GOLGA4: variants seen among roughly 807,000 people sequenced by gnomAD.
GOLGA4 encodes golgin A4, also known as golgin subfamily A member 4.
GOLGA4 carries 169 observed loss-of-function variants against 265.9 expected under a neutral mutation model. The ratio of observed to expected loss-of-function variants is 0.64; its 90% CI spans 0.56 to 0.72. GOLGA4 has a LOEUF of 0.72. Among genes scored for constraint, GOLGA4 ranks in the 30% least tolerant of loss-of-function variants. GOLGA4 has a pLI of 0.00. For missense variants in GOLGA4, 2,482 were observed against 2,483.4 expected, an observed-to-expected ratio of 1.00 and a Z score of 0.01; for synonymous variants, 923 against 855.8, an observed-to-expected ratio of 1.08 and a Z score of -1.37.
At chr3:37,243,672 G>A (rs756087404) in intron 1 of GOLGA4, 50 bp downstream of exon 1, 19 of 1,467,628 alleles carry the variant, frequency 1.3e-5, no homozygotes, top group Non-Finnish European at 1.6e-5. Context: ...CTCTTGAACC[G>A]GCCCGCGGAC....
chr3:37,327,200 C>T lies in GOLGA4; in HGVS notation c.5314C>T (p.Gln1772Ter), dbSNP rs2150971950. ...TVSSHFEMRC[Q>*]YQERLIKLEH... is the part of the protein sequence containing the mutation. The stretch of plus-strand genomic sequence containing the variant: ...TTCTTCTCATTTTGAAATGCGATGC[C>T]AATACCAGGAGCGCTTAATAAAGCT... The change falls in exon 14 of 24, where the codon CAA becomes TAA. Residue 1772 changes from glutamine to a stop codon, truncating the protein, a stop_gained. Coordinates refer to ENST00000361924, the MANE Select transcript of GOLGA4 (RefSeq NM_002078.5). LOFTEE classifies it high-confidence loss of function. 1 of 1,613,688 alleles carries T rather than the reference C, an allele frequency of 6.2e-7. No homozygotes were observed. Among genetic ancestry groups the T allele is most frequent in the Non-Finnish European group, 8.5e-7 (1 of 1,179,806 alleles).
chr3:37,257,514 A>G (rs2096752099), intron 2 of GOLGA4, among the ~76,000 whole-genome samples: 1 of 152,080 alleles, frequency 6.6e-6, no homozygotes, highest in Non-Finnish European at 1.5e-5. Context: ...AGGCATGTAC[A>G]TCTCTAGTGT....
Position 37,355,124 on chromosome 3 carries a change from C to G in GOLGA4, c.6600C>G (p.Thr2200=). Residue 2200 remains threonine (T), a synonymous_variant, in exon 22 of 24, where the codon ACC becomes ACG. Transcript: ENST00000361924. ...AGACCATGGCAAAAGTTATAACCACCGTACTGAAGTTCCCTGATGATCAGA... is the reference window on the plus strand; with the variant it reads ...AGACCATGGCAAAAGTTATAACCACGGTACTGAAGTTCCCTGATGATCAGA... ...ETKTMAKVIT[T]VLKFPDDQTQ... 6.2e-7 allele frequency: 1 copy of G among 1,604,428 alleles called. No homozygotes were observed. Among genetic ancestry groups the G allele is most frequent in the Non-Finnish European group, 8.5e-7 (1 of 1,171,640 alleles).
In GOLGA4 at chr3:37,243,455, G is replaced by A. The variant is rs897090440; in HGVS notation, c.-96G>A. 64 of 1,020,496 alleles carry A rather than the reference G, an allele frequency of 6.3e-5. 2 individuals carry two copies. The South Asian group carries it at 7.9e-4, about 13-fold the overall frequency. The allele number at this position is 1,020,496 out of a possible 1,614,324, so 63.2% of individuals were successfully genotyped here. A position where few individuals can be genotyped will look rare whatever the true frequency, so the allele number is the denominator to read the frequency against. On this transcript the variant is annotated 5_prime_UTR_variant, in exon 1 of 24. Coordinates refer to ENST00000361924, the MANE Select transcript of GOLGA4 (RefSeq NM_002078.5). ...GCGAGGCCCGGCCCCCGCTGTCCCT[G>A]GTGTAAAGAAGTCGCCGTAGCCGTC...
At chr3:37,308,630 T>A (rs1388257499) in intron 10 of GOLGA4, among the ~76,000 whole-genome samples, 2 of 138,234 alleles carry the variant, frequency 1.4e-5, no homozygotes, top group African/African-American at 5.0e-5. Flanking sequence ...ATATATATTT[T>A]TTTGAGACAG....
At chr3:37,315,319 C>T (rs934698460) in intron 10 of GOLGA4, 101 bp from the exon 11 acceptor site, 2 of 935,154 alleles carry the variant, frequency 2.1e-6, no homozygotes, top group Non-Finnish European at 3.2e-6. Flanking sequence ...TTTAACCTAT[C>T]CTGCTACTGC....
chr3:37,305,806 T>C (rs1233633280), intron 10 of GOLGA4, among the ~76,000 whole-genome samples: 5 of 152,334 alleles, frequency 3.3e-5, no homozygotes, highest in Non-Finnish European at 7.4e-5. Flanking sequence ...ATTCTGATAT[T>C]GCTGGTAATT....
rs949955121 is a variant in GOLGA4 at position 37,327,000 on chromosome 3, C to T, written c.5114C>T (p.Thr1705Ile). ...LKSVESSQSE[T>I]LIVPRSAKNV... ...TCAGTGGAAAGTTCACAGTCAGAAA[C>T]ATTAATTGTACCCAGATCAGCAAAA... Residue 1705 changes from threonine to isoleucine, a missense_variant, in exon 14 of 24, where the codon ACA becomes ATA. Physicochemically the swap from Thr to Ile is moderately conservative, Grantham distance 89 (BLOSUM62 -1). Coordinates refer to ENST00000361924, the MANE Select transcript of GOLGA4 (RefSeq NM_002078.5). 17 of 1,613,658 alleles carry T rather than the reference C, an allele frequency of 1.1e-5. No individual in the cohort carries two copies. The highest frequency in any genetic ancestry group is 1.4e-5 in the Non-Finnish European group (16 of 1,179,766).
chr3:37,292,263 GT>G (rs2096866713), intron 5 of GOLGA4, among the ~76,000 whole-genome samples: 1 of 152,144 alleles, frequency 6.6e-6, no homozygotes, highest in Non-Finnish European at 1.5e-5. Context: ...AAGAAATGAA[GT>G]TTACCTTCCA....
chr3:37,303,255 G>T (rs1441604162), intron 10 of GOLGA4, among the ~76,000 whole-genome samples: 2 of 152,220 alleles, frequency 1.3e-5, no homozygotes, highest in African/African-American at 4.8e-5. Context: ...ATGGGAGCTA[G>T]GGTTTTATGT....
intron 23 of GOLGA4, among the ~76,000 whole-genome samples, chr3:37,364,259 A>G (rs1696572057): frequency 6.6e-6 from 1 of 151,954 alleles, no homozygotes; most frequent in South Asian, 2.1e-4. Context: ...TTTATATTTG[A>G]GACGGAGTTT....
chr3:37,293,924 C>T (rs2096871430), intron 5 of GOLGA4, among the ~76,000 whole-genome samples: 1 of 152,192 alleles, frequency 6.6e-6, no homozygotes, highest in African/African-American at 2.4e-5. Context: ...GTACTGAACT[C>T]TGTAGACAGT....
chr3:37,243,501 T>G lies in GOLGA4; in HGVS notation c.-50T>G, dbSNP rs2096708341. ...CCGTCGCGGCCGGGACTCCCCGGGC[T>G]CTCGCCCTTCAGGTTTCGTTGACAC... On this transcript the variant is annotated 5_prime_UTR_variant, in exon 1 of 24. Coordinates refer to ENST00000361924, the MANE Select transcript of GOLGA4 (RefSeq NM_002078.5). The G allele has an allele frequency of 6.5e-7, 1 of 1,548,770 alleles. No individual in the cohort carries two copies.
In GOLGA4 at chr3:37,319,201, G is replaced by C; in HGVS notation, c.1545+7G>C. 1.3e-6 allele frequency: 2 copies of C among 1,592,432 alleles called. No individual in the cohort carries two copies. Among genetic ancestry groups the C allele is most frequent in the Non-Finnish European group, 8.5e-7 (1 of 1,171,652 alleles). ...ACAAATGAAAGTAGCTCTTGTAAGTGACTATTTTTTTTTTTCTGCTATAGG... is the reference window on the plus strand; with the variant it reads ...ACAAATGAAAGTAGCTCTTGTAAGTCACTATTTTTTTTTTTCTGCTATAGG... On this transcript the variant is annotated splice_region_variant and intron_variant, in intron 12 of 23. Transcript: ENST00000361924.
chr3:37,326,931 A>G lies in GOLGA4; in HGVS notation c.5045A>G (p.Gln1682Arg). Reference protein sequence around the residue: ...SHLSELNTKLQEREREVHILE... With the variant: ...SHLSELNTKLREREREVHILE... ...TTGAGTGAGCTAAATACAAAATTGC[A>G]GGAAAGAGAAAGGGAAGTTCACATC... The change falls in exon 14 of 24, where the codon CAG (glutamine) becomes CGG (arginine). Residue 1682 changes from glutamine to arginine, a missense_variant. Gln to Arg is a conservative substitution (Grantham distance 43). Transcript: ENST00000361924. 6.2e-6 allele frequency: 10 copies of G among 1,613,938 alleles called. No homozygotes were observed. The highest frequency in any genetic ancestry group is 8.5e-6 in the Non-Finnish European group (10 of 1,179,822).
intron 2 of GOLGA4, among the ~76,000 whole-genome samples, chr3:37,272,624 A>G (rs550181430): frequency 7.2e-5 from 11 of 152,356 alleles, no homozygotes; most frequent in East Asian, 1.9e-4. Context: ...TACTTAATCA[A>G]TGTTCAAAAA....
chr3:37,319,012 T>TA, intron 11 of GOLGA4, 51 bp from the exon 12 acceptor site: 1 of 1,290,886 alleles, frequency 7.7e-7, no homozygotes, highest in Non-Finnish European at 1.1e-6. Context: ...GTTGTGGAGT[T>TA]ACATATTTTA....
At chr3:37,316,770 A>G (rs2096938710) in intron 11 of GOLGA4, among the ~76,000 whole-genome samples, 1 of 152,008 alleles carries the variant, frequency 6.6e-6, no homozygotes, top group South Asian at 2.1e-4. Flanking sequence ...TTTCCCAGAG[A>G]TAGCCTGTGT....
intron 4 of GOLGA4, among the ~76,000 whole-genome samples, chr3:37,288,972 A>G (rs1336210371): frequency 6.6e-6 from 1 of 152,160 alleles, no homozygotes; most frequent in Non-Finnish European, 1.5e-5. Context: ...TTTGGTTTAC[A>G]TGTCCATGCA....
Sources: allele counts gnomAD v4.1 joint callset (sites outside exome capture counted in the v4.1 genomes callset), GRCh38; gene constraint gnomAD v4.1.1; transcripts MANE v1.5; gene names NCBI Gene and HGNC (gene_info 2026-07-23, HGNC 2026-07-21).